Variants in MACROD2 observed in about 807,000 individuals in gnomAD.
MACROD2 encodes mono-ADP ribosylhydrolase 2.
Under a neutral mutation model 70.4 loss-of-function variants are expected in MACROD2, and 36 were observed. The ratio of observed to expected loss-of-function variants is 0.51; its 90% CI spans 0.39 to 0.68. The LOEUF (loss-of-function observed/expected upper bound fraction) is 0.68, where lower values mean the gene tolerates loss of function less well. Among genes scored for constraint, MACROD2 ranks in the 30% least tolerant of loss-of-function variants. MACROD2 has a pLI of 0.00. For missense variants in MACROD2, 496 were observed against 538.4 expected, an observed-to-expected ratio of 0.92 and a Z score of 0.78; for synonymous variants, 172 against 178.8, an observed-to-expected ratio of 0.96 and a Z score of 0.30.
In MACROD2 at chr20:14,962,524, T is replaced by C. The variant is rs186762538; in HGVS notation, c.419-267416T>C. Among the ~76,000 whole-genome samples the C allele has an allele frequency of 1.5e-3, 212 of 142,046 alleles. 3 individuals carry two copies. Among genetic ancestry groups the C allele is most frequent in the Non-Finnish European group, 1.8e-3 (123 of 67,528 alleles). 93.2% of individuals were successfully genotyped at this position (142,046 alleles called of 152,430 possible). The stretch of plus-strand genomic sequence containing the variant: ...GACAGAATTTTGCTCTCTCTCTCTC[T>C]CTTTCTCTCTCTCTCTCTTTCTCTC... On this transcript the variant is annotated intron_variant, in intron 5 of 17. Transcript: ENST00000684519.
intron 5 of MACROD2, among the ~76,000 whole-genome samples, chr20:14,930,295 AT>A (rs1432415065): frequency 1.3e-5 from 2 of 152,166 alleles, no homozygotes; most frequent in African/African-American, 4.8e-5. Flanking sequence ...AAATAACTAC[AT>A]TTCTTGCTTT....
At chr20:14,250,582 C>CA (rs2082004462) in intron 3 of MACROD2, among the ~76,000 whole-genome samples, 1 of 152,116 alleles carries the variant, frequency 6.6e-6, no homozygotes, top group African/African-American at 2.4e-5. Context: ...GTTTATCTGG[C>CA]AAATTCTTGA....
At chr20:14,457,339 A>G (rs2084315782) in intron 3 of MACROD2, among the ~76,000 whole-genome samples, 1 of 152,116 alleles carries the variant, frequency 6.6e-6, no homozygotes, top group Admixed American at 6.6e-5. Context: ...TTACTTTTAT[A>G]TGCAAGATTG....
At chr20:15,543,473 G>T (rs1316316288) in intron 8 of MACROD2, among the ~76,000 whole-genome samples, 2 of 152,146 alleles carry the variant, frequency 1.3e-5, no homozygotes, top group African/African-American at 4.8e-5. Flanking sequence ...AAAGCTTGGA[G>T]TCCCAATGCC....
In MACROD2 at chr20:16,017,658, G is replaced by A. The variant is rs140416097; in HGVS notation, c.1154-23543G>A. Reference sequence around the variant, plus strand: ...CAAGCCTTTGAGCCATTTTGCTGGAGGTGCCCCCTAAGGAGAAACATCTGT... The same window carrying A: ...CAAGCCTTTGAGCCATTTTGCTGGAAGTGCCCCCTAAGGAGAAACATCTGT... On this transcript the variant is annotated intron_variant, in intron 15 of 17. Coordinates refer to ENST00000684519, the MANE Select transcript of MACROD2 (RefSeq NM_001351661.2). Among the ~76,000 whole-genome samples the A allele has an allele frequency of 1.1e-3, 175 of 152,252 alleles. 1 individual carries two copies. Among genetic ancestry groups the A allele is most frequent in the East Asian group, 7.7e-3 (40 of 5,178 alleles).
At chr20:15,977,287 A>G (rs528926033) in intron 13 of MACROD2, among the ~76,000 whole-genome samples, 2 of 152,332 alleles carry the variant, frequency 1.3e-5, no homozygotes, top group East Asian at 3.9e-4. Context: ...TCATCCACCC[A>G]ATAAACAAAC....
At chr20:15,857,513 T>A (rs2064370741) in intron 8 of MACROD2, among the ~76,000 whole-genome samples, 1 of 152,142 alleles carries the variant, frequency 6.6e-6, no homozygotes, top group South Asian at 2.1e-4. Context: ...AGAAGAACCA[T>A]CAAGAACTGG....
At chr20:15,105,891 G>C (rs1034269648) in intron 5 of MACROD2, among the ~76,000 whole-genome samples, 2 of 152,118 alleles carry the variant, frequency 1.3e-5, no homozygotes, top group African/African-American at 4.8e-5. Context: ...ATTGAACAGC[G>C]TGGTGCCTAT....
intron 8 of MACROD2, among the ~76,000 whole-genome samples, chr20:15,629,537 C>T (rs2049257394): frequency 6.6e-6 from 1 of 152,206 alleles, no homozygotes; most frequent in Non-Finnish European, 1.5e-5. Context: ...ATTCAAATAA[C>T]CTCTCCTGAT....
intron 5 of MACROD2, among the ~76,000 whole-genome samples, chr20:15,027,703 T>C (rs1275150318): frequency 7.3e-6 from 1 of 136,572 alleles, no homozygotes; most frequent in East Asian, 2.2e-4. Context: ...TAGGACTCTC[T>C]AATTAAAAAA....
intron 3 of MACROD2, among the ~76,000 whole-genome samples, chr20:14,170,161 G>C (rs1272081094): frequency 1.3e-5 from 2 of 152,102 alleles, no homozygotes; most frequent in African/African-American, 4.8e-5. Flanking sequence ...CAAAGTGCCG[G>C]GATTGCAGGT....
chr20:14,862,620 T>TATATATAA (rs1568841344), intron 5 of MACROD2, among the ~76,000 whole-genome samples: 11 of 17,682 alleles, frequency 6.2e-4, no homozygotes, highest in Admixed American at 2.2e-3. Context: ...TATATAAATA[T>TATATATAA]ATATATATAA....
chr20:15,416,316 C>T (rs2046147882), intron 6 of MACROD2, among the ~76,000 whole-genome samples: 1 of 152,206 alleles, frequency 6.6e-6, no homozygotes, highest in Non-Finnish European at 1.5e-5. Context: ...GTCATTTCTA[C>T]AGGGTGTGTC....
At position 14,803,988 on chromosome 20, in the gene MACROD2, A is replaced by G. The variant is rs760307697; in HGVS notation, c.418+119029A>G. On this transcript the variant is annotated intron_variant, in intron 5 of 17. Transcript: ENST00000684519. ...TTATAAACATTTATAATTTTACGTC[A>G]TAAGTTGTGAACTTTAGTGACCATA... 5.3e-5 allele frequency among the ~76,000 whole-genome samples: 8 copies of G among 152,096 alleles called. 1 individual carries two copies. Among genetic ancestry groups the G allele is most frequent in the Non-Finnish European group, 1.2e-4 (8 of 68,008 alleles).
intron 3 of MACROD2, among the ~76,000 whole-genome samples, chr20:14,219,473 C>G (rs1051237812): frequency 2.6e-5 from 4 of 152,116 alleles, no homozygotes; most frequent in African/African-American, 9.7e-5. Context: ...TTGGGCTTCG[C>G]CTTTCTTTGG....
intron 5 of MACROD2, among the ~76,000 whole-genome samples, chr20:15,020,535 A>G (rs2075157293): frequency 2.0e-5 from 3 of 152,176 alleles, no homozygotes; most frequent in African/African-American, 7.2e-5. Context: ...TACCAACTGC[A>G]GTCATGAGCC....
intron 10 of MACROD2, among the ~76,000 whole-genome samples, chr20:15,899,340 A>G (rs1468940407): frequency 2.0e-5 from 3 of 152,156 alleles, no homozygotes; most frequent in South Asian, 2.1e-4. Context: ...ATGTATATCT[A>G]TACACATACA....
At chr20:15,274,650 G>C (rs796160677) in intron 6 of MACROD2, among the ~76,000 whole-genome samples, 1 of 152,176 alleles carries the variant, frequency 6.6e-6, no homozygotes, top group Non-Finnish European at 1.5e-5. Flanking sequence ...TCATTCAGTA[G>C]GTATTCAACG....
chr20:14,579,649 A>G (rs2123343286), intron 4 of MACROD2, among the ~76,000 whole-genome samples: 1 of 152,312 alleles, frequency 6.6e-6, no homozygotes, highest in East Asian at 1.9e-4. Flanking sequence ...GATTCTATTA[A>G]CTTTGTCTTT....
Sources: gnomAD v4.1 joint callset for allele counts (sites outside exome capture counted in the v4.1 genomes callset) on GRCh38, gnomAD v4.1.1 for gene constraint, MANE v1.5 for transcripts, NCBI Gene and HGNC (gene_info 2026-07-23, HGNC 2026-07-21) for gene names.